TMEM178B: variants seen among roughly 807,000 people sequenced by gnomAD.
TMEM178B encodes the protein transmembrane protein 178B.
In TMEM178B, 5 loss-of-function variants were observed where a neutral mutation model predicts 31.0. The ratio of observed to expected loss-of-function variants is 0.16; its 90% confidence interval spans 0.08 to 0.34. The LOEUF (loss-of-function observed/expected upper bound fraction) is 0.34, where lower values mean the gene tolerates loss of function less well. TMEM178B is among the 10% of genes least tolerant of loss of function. TMEM178B has a pLI of 1.00. For synonymous variants in TMEM178B, 164 were observed against 164.0 expected, an observed-to-expected ratio of 1.00 and a Z score of 0.00; for missense variants, 275 against 400.3, an observed-to-expected ratio of 0.69 and a Z score of 2.67.
At chr7:141,161,483 A>G (rs375974920) in intron 1 of TMEM178B, among the ~76,000 whole-genome samples, 1 of 152,276 alleles carries the variant, frequency 6.6e-6, no homozygotes, top group East Asian at 1.9e-4. Context: ...TGTGGCCATT[A>G]TTCTGTCATG....
At chr7:141,257,936 G>C (rs1027248612) in intron 2 of TMEM178B, among the ~76,000 whole-genome samples, 1 of 150,662 alleles carries the variant, frequency 6.6e-6, no homozygotes, top group Admixed American at 6.6e-5. Context: ...TTCCTTTTTT[G>C]TTTAGTTAAA....
rs138002308 is a variant in TMEM178B at position 141,316,850 on chromosome 7, T to C, written c.496+104146T>C. On this transcript the variant is annotated intron_variant, in intron 2 of 3. Transcript: ENST00000565468. ...GGTATGTTTATAAAACTGGCTGTTC[T>C]CATCAATTTTGTGTCACTTTATTTT... is the stretch of plus-strand genomic sequence containing the variant. Among the ~76,000 whole-genome samples, 610 of 152,364 alleles carry C rather than the reference T, an allele frequency of 4.0e-3. 2 individuals are homozygous for C. The highest frequency in any genetic ancestry group is 0.014 in the African/African-American group (583 of 41,584).
intron 2 of TMEM178B, among the ~76,000 whole-genome samples, chr7:141,248,717 T>G (rs1797780562): frequency 6.6e-6 from 1 of 152,218 alleles, no homozygotes; most frequent in South Asian, 2.1e-4. Flanking sequence ...TTACCATGAA[T>G]GGAGCTTGCA....
At chr7:141,408,251 C>T (rs1246958353) in intron 2 of TMEM178B, among the ~76,000 whole-genome samples, 1 of 152,126 alleles carries the variant, frequency 6.6e-6, no homozygotes, top group Non-Finnish European at 1.5e-5. Context: ...GTCTGTTCAT[C>T]TCCCTGAGGA....
intron 2 of TMEM178B, among the ~76,000 whole-genome samples, chr7:141,383,517 C>T (rs1197406975): frequency 6.6e-6 from 1 of 152,070 alleles, no homozygotes; most frequent in African/African-American, 2.4e-5. Context: ...TGGTTTCCAG[C>T]TTCATTCATG....
At chr7:141,451,418 G>A (rs906694116) in intron 3 of TMEM178B, among the ~76,000 whole-genome samples, 15 of 152,252 alleles carry the variant, frequency 9.9e-5, no homozygotes, top group African/African-American at 2.2e-4. Flanking sequence ...CCTAGTACTC[G>A]CTTAGAGTTT....
At chr7:141,240,860 T>C (rs904461898) in intron 2 of TMEM178B, among the ~76,000 whole-genome samples, 3 of 152,190 alleles carry the variant, frequency 2.0e-5, no homozygotes, top group Admixed American at 2.0e-4. Flanking sequence ...TCTGCTAGCT[T>C]TTGTTAAGTT....
intron 2 of TMEM178B, among the ~76,000 whole-genome samples, chr7:141,366,794 G>T (rs1008672734): frequency 6.6e-6 from 1 of 151,918 alleles, no homozygotes; most frequent in Non-Finnish European, 1.5e-5. Flanking sequence ...TCCTTCATCC[G>T]ATTTGGATGG....
At chr7:141,239,873 G>A (rs1199485739) in intron 2 of TMEM178B, among the ~76,000 whole-genome samples, 1 of 151,968 alleles carries the variant, frequency 6.6e-6, no homozygotes, top group African/African-American at 2.4e-5. Context: ...AGTGTAGGGA[G>A]CTGAAGTTGG....
chr7:141,388,757 A>C (rs1028647307), intron 2 of TMEM178B, among the ~76,000 whole-genome samples: 2 of 152,216 alleles, frequency 1.3e-5, no homozygotes, highest in Admixed American at 1.3e-4. Flanking sequence ...ATGATGCTGG[A>C]TGTTTTATAC....
chr7:141,444,830 G>A (rs1013953790), intron 3 of TMEM178B, among the ~76,000 whole-genome samples: 5 of 151,848 alleles, frequency 3.3e-5, no homozygotes, highest in South Asian at 2.1e-4. Context: ...GTTCAACCCC[G>A]TGTTGAAGAA....
chr7:141,416,670 C>G (rs1208408270), intron 2 of TMEM178B, among the ~76,000 whole-genome samples: 1 of 152,206 alleles, frequency 6.6e-6, no homozygotes, highest in African/African-American at 2.4e-5. Context: ...TGGATTTTCA[C>G]ATATCTGCCA....
chr7:141,363,165 G>T (rs1399060111), intron 2 of TMEM178B, among the ~76,000 whole-genome samples: 2 of 152,172 alleles, frequency 1.3e-5, no homozygotes, highest in Admixed American at 1.3e-4. Flanking sequence ...AAGAGCGAGC[G>T]AGTGTTAATG....
At chr7:141,441,934 A>G (rs1221772639) in intron 3 of TMEM178B, among the ~76,000 whole-genome samples, 1 of 152,188 alleles carries the variant, frequency 6.6e-6, no homozygotes, top group East Asian at 1.9e-4. Flanking sequence ...TTGCTCAACC[A>G]GGAGGCCGGG....
chr7:141,117,354 A>T (rs1219978270), intron 1 of TMEM178B, among the ~76,000 whole-genome samples: 1 of 151,404 alleles, frequency 6.6e-6, no homozygotes, highest in Non-Finnish European at 1.5e-5. Context: ...CCACTTTTTG[A>T]TGGTTTTTTT....
In TMEM178B at chr7:141,475,140, G is replaced by A. The variant is rs1018448414; in HGVS notation, c.*4354G>A. 1.3e-5 allele frequency: 2 copies of A among 152,266 alleles called. No individual in the cohort carries two copies. The highest frequency in any genetic ancestry group is 6.5e-5 in the Admixed American group (1 of 15,280). The allele number at this position is 152,266 out of a possible 1,614,324, so 9.4% of individuals were successfully genotyped here. On this transcript the variant is annotated 3_prime_UTR_variant, in exon 4 of 4. Coordinates refer to ENST00000565468, the MANE Select transcript of TMEM178B (RefSeq NM_001195278.2). ...AATACGATGTTTCTGAGTGAGAGGT[G>A]ATTTCAGTGCAGATAGGAAGAGCTG...
At chr7:141,336,948 CCACCACCACCA>C in intron 2 of TMEM178B, among the ~76,000 whole-genome samples, 1 of 115,580 alleles carries the variant, frequency 8.7e-6, no homozygotes. Flanking sequence ...ACCACCATCA[CCACCACCACCA>C]TCACTACCAC....
intron 2 of TMEM178B, among the ~76,000 whole-genome samples, chr7:141,423,429 T>C (rs1801252415): frequency 6.6e-6 from 1 of 152,252 alleles, no homozygotes; most frequent in Non-Finnish European, 1.5e-5. Context: ...AAAGTCATGC[T>C]GAGTCTTTGA....
intron 3 of TMEM178B, among the ~76,000 whole-genome samples, chr7:141,453,856 C>G (rs1801910976): frequency 6.6e-6 from 1 of 151,686 alleles, no homozygotes; most frequent in Non-Finnish European, 1.5e-5. Context: ...TAATAGATTT[C>G]CATTTTTATA....
Sources: allele counts gnomAD v4.1 joint callset (sites outside exome capture counted in the v4.1 genomes callset), GRCh38; gene constraint gnomAD v4.1.1; transcripts MANE v1.5; gene names NCBI Gene and HGNC (gene_info 2026-07-23, HGNC 2026-07-21).